The following PREX2 variants were observed in gnomAD, a reference collection of about 807,000 sequenced individuals.
PREX2 encodes phosphatidylinositol 3,4,5-trisphosphate-dependent Rac exchanger 2 protein.
A neutral mutation model predicts 203.2 loss-of-function variants in PREX2; 107 were observed. The ratio of observed to expected loss-of-function variants is 0.53; its 90% CI spans 0.45 to 0.62. The LOEUF (loss-of-function observed/expected upper bound fraction) is 0.62, where lower values mean the gene tolerates loss of function less well. PREX2 is among the 20% of genes least tolerant of loss of function. PREX2 has a pLI of 0.00. For missense variants in PREX2, 1,777 were observed against 1,955.9 expected (o/e 0.91, Z 1.72); for synonymous variants, 672 against 663.6 (o/e 1.01, Z -0.19).
chr8:68,090,433 G>T (rs770748573), intron 19 of PREX2, 146 bp from the exon 20 acceptor site: 31 of 574,334 alleles, frequency 5.4e-5, no homozygotes, highest in Non-Finnish European at 8.9e-5. Context: ...TGTTGAGTGG[G>T]CATTGCTCTC....
At chr8:68,050,657 AT>A (rs1231510844) in intron 8 of PREX2, among the ~76,000 whole-genome samples, 3 of 152,182 alleles carry the variant, frequency 2.0e-5, no homozygotes, top group Non-Finnish European at 4.4e-5. Context: ...CATTGAAACA[AT>A]AGCCACATGT....
At chr8:68,054,834 G>A (rs887550686) in intron 9 of PREX2, among the ~76,000 whole-genome samples, 4 of 152,294 alleles carry the variant, frequency 2.6e-5, no homozygotes, top group Middle Eastern at 3.4e-3. Flanking sequence ...CGGACTCCTG[G>A]TTACTTGGAT....
chr8:68,164,512 C>A (rs1367493831), intron 35 of PREX2, among the ~76,000 whole-genome samples: 1 of 151,042 alleles, frequency 6.6e-6, no homozygotes, highest in African/African-American at 2.4e-5. Context: ...TTTAATAAAT[C>A]TTTTATTATC....
chr8:67,971,541 C>T (rs1805928600), intron 1 of PREX2, among the ~76,000 whole-genome samples: 1 of 152,040 alleles, frequency 6.6e-6, no homozygotes, highest in South Asian at 2.1e-4. Context: ...GCTTTCCAAA[C>T]TGCCCCTAAA....
chr8:68,198,138 A>G (rs1812435212), intron 37 of PREX2, among the ~76,000 whole-genome samples: 1 of 152,162 alleles, frequency 6.6e-6, no homozygotes, highest in African/African-American at 2.4e-5. Context: ...AGTGGAATAG[A>G]TAGTTGTGAG....
chr8:68,196,696 A>T (rs1210300392), intron 37 of PREX2, among the ~76,000 whole-genome samples: 1 of 149,960 alleles, frequency 6.7e-6, no homozygotes, highest in Non-Finnish European at 1.5e-5. Flanking sequence ...TTTTCATGAG[A>T]TCTGCTTCTT....
chr8:67,955,147 C>CAAAAA (rs1183491822), intron 1 of PREX2, among the ~76,000 whole-genome samples: 21 of 51,898 alleles, frequency 4.0e-4, no homozygotes, highest in Non-Finnish European at 5.8e-4. Flanking sequence ...GACTCCATCT[C>CAAAAA]AAAAAAAAAA....
At chr8:67,968,002 A>G (rs144203683) in intron 1 of PREX2, among the ~76,000 whole-genome samples, 2 of 152,082 alleles carry the variant, frequency 1.3e-5, no homozygotes, top group East Asian at 3.9e-4. Context: ...GCAGCACACC[A>G]ACACGGCACA....
rs560129429 is a variant in PREX2, at chr8:68,108,044, G to A, written c.2716-65G>A. ...TGATTTTGTTGTGAATGATGCAAGT[G>A]AAAAAAAGATGCCTGAGTTATTACT... On this transcript the variant is annotated intron_variant, in intron 23 of 39. Coordinates refer to ENST00000288368, the MANE Select transcript of PREX2 (RefSeq NM_024870.4). 1.5e-5 allele frequency: 16 copies of A among 1,068,042 alleles called. No individual in the cohort carries two copies. In the East Asian group the frequency reaches 3.5e-4, roughly 23 times the overall value. The allele number at this position is 1,068,042 out of a possible 1,614,324, so 66.2% of individuals were successfully genotyped here. A position where few individuals can be genotyped will look rare whatever the true frequency, so the allele number is the denominator to read the frequency against.
chr8:67,999,982 A>G (rs1285391872), intron 1 of PREX2, among the ~76,000 whole-genome samples: 3 of 152,130 alleles, frequency 2.0e-5, no homozygotes, highest in Non-Finnish European at 4.4e-5. Context: ...TAATAAAACC[A>G]CCTGTGACAA....
chr8:68,103,765 A>G (rs975317492), intron 23 of PREX2: 6 of 517,780 alleles, frequency 1.2e-5, no homozygotes, highest in African/African-American at 9.6e-5. Context: ...GTGACCCCAC[A>G]TATGCCTGGT....
chr8:68,153,225 A>C (rs925959737), intron 34 of PREX2, among the ~76,000 whole-genome samples: 9 of 152,202 alleles, frequency 5.9e-5, no homozygotes, highest in African/African-American at 1.9e-4. Flanking sequence ...GTCTTATTTA[A>C]CCAAACAAGT....
intron 30 of PREX2, among the ~76,000 whole-genome samples, chr8:68,122,020 C>A (rs1810784307): frequency 6.6e-6 from 1 of 152,122 alleles, no homozygotes; most frequent in South Asian, 2.1e-4. Context: ...TACAGTGTAA[C>A]TGCAGTTATT....
At chr8:67,995,157 G>A (rs950146224) in intron 1 of PREX2, among the ~76,000 whole-genome samples, 1 of 151,852 alleles carries the variant, frequency 6.6e-6, no homozygotes, top group Non-Finnish European at 1.5e-5. Flanking sequence ...TATTAATAAT[G>A]AAAGTATACG....
At chr8:67,960,376 A>G (rs1025819136) in intron 1 of PREX2, among the ~76,000 whole-genome samples, 25 of 152,016 alleles carry the variant, frequency 1.6e-4, no homozygotes, top group Middle Eastern at 3.4e-3. Flanking sequence ...ATAAACTCCA[A>G]GCTTATCTCC....
intron 18 of PREX2, 41 bp from the exon 19 acceptor site, chr8:68,087,683 A>T: frequency 7.1e-7 from 1 of 1,410,232 alleles, no homozygotes; most frequent in Non-Finnish European, 1.0e-6. Context: ...ACCAGTTTTG[A>T]TTCTTACGCT....
intron 34 of PREX2, among the ~76,000 whole-genome samples, chr8:68,155,847 A>G (rs1008806447): frequency 3.3e-5 from 5 of 152,220 alleles, no homozygotes; most frequent in Non-Finnish European, 5.9e-5. Flanking sequence ...TGAATCAAAA[A>G]TGTTATTAAA....
chr8:68,086,087 T>C (rs1383834837), intron 18 of PREX2, among the ~76,000 whole-genome samples: 2 of 152,188 alleles, frequency 1.3e-5, no homozygotes, highest in Non-Finnish European at 2.9e-5. Context: ...CTATGTGTTA[T>C]TCAAAGGAAA....
chr8:68,171,371 T>C (rs948348779), intron 35 of PREX2, among the ~76,000 whole-genome samples: 61 of 152,302 alleles, frequency 4.0e-4, no homozygotes, highest in East Asian at 2.9e-3. Context: ...CTGAGAACCA[T>C]GTATTTTGGA....
Sources: allele counts gnomAD v4.1 joint callset (sites outside exome capture counted in the v4.1 genomes callset), GRCh38; gene constraint gnomAD v4.1.1; transcripts MANE v1.5; gene names NCBI Gene and HGNC (gene_info 2026-07-23, HGNC 2026-07-21).